The following HSD17B12 variants were observed in gnomAD, a reference collection of about 807,000 sequenced individuals.
HSD17B12 encodes the protein very-long-chain 3-oxoacyl-CoA reductase.
In HSD17B12, 32 loss-of-function variants were observed where a neutral mutation model predicts 39.3. That is an observed-to-expected ratio of 0.81 (90% CI 0.61 to 1.09). HSD17B12 has a LOEUF of 1.09. Among genes scored for constraint, HSD17B12 ranks in the 50% least tolerant of loss-of-function variants. The pLI is 0.00. For missense variants in HSD17B12, 342 were observed against 382.9 expected, an observed-to-expected ratio of 0.89 and a Z score of 0.89; for synonymous variants, 150 against 146.7, an observed-to-expected ratio of 1.02 and a Z score of -0.16.
chr11:43,623,480 T>C, the HSD17B12 span, among the ~76,000 whole-genome samples: 1 of 152,060 alleles, frequency 6.6e-6, no homozygotes. Flanking sequence ...TCAGCAGTTT[T>C]TAAAAAGACT....
At position 43,784,673 on chromosome 11, in the gene HSD17B12, C is replaced by T. The variant is rs530152758; in HGVS notation, c.284-13647C>T. Among the ~76,000 whole-genome samples, 39 of 152,180 alleles carry T rather than the reference C, an allele frequency of 2.6e-4. 1 individual carries two copies. In the South Asian group the frequency reaches 3.3e-3, roughly 13 times the overall value. On this transcript the variant is annotated intron_variant, in intron 3 of 10. Transcript: ENST00000278353. ...ATCATTTGAAGGAGCAAGGGTAATA[C>T]GCAGGGGAGCAGCAAGCAAGTTCTT...
At chr11:43,826,081 C>CTTTTTTTTTTTTT (rs71481435) in intron 6 of HSD17B12, among the ~76,000 whole-genome samples, 2 of 75,274 alleles carry the variant, frequency 2.7e-5, no homozygotes, top group African/African-American at 8.7e-5. Context: ...CTTTTTTTTT[C>CTTTTTTTTTTTTT]TTTTTTTTTT....
the HSD17B12 span, among the ~76,000 whole-genome samples, chr11:43,617,572 C>A: frequency 1.3e-4 from 20 of 152,222 alleles, no homozygotes; most frequent in East Asian, 3.9e-3. Context: ...TCTCTTTGGC[C>A]ACCACACAGT....
At chr11:43,774,371 G>T (rs1054007686) in intron 3 of HSD17B12, among the ~76,000 whole-genome samples, 1 of 151,956 alleles carries the variant, frequency 6.6e-6, no homozygotes, top group Non-Finnish European at 1.5e-5. Context: ...ATGCCATCAC[G>T]CCCAGCTAAT....
intron 9 of HSD17B12, chr11:43,854,444 T>G (rs537106619): frequency 3.0e-5 from 11 of 365,670 alleles, no homozygotes; most frequent in African/African-American, 2.3e-4. Context: ...GCTTTCCTTT[T>G]TAAAGGTTCA....
Position 43,856,422 on chromosome 11 carries a change from G to C in HSD17B12, c.*1174G>C, listed in dbSNP as rs1189640029. On this transcript the variant is annotated 3_prime_UTR_variant, in exon 11 of 11. Coordinates refer to ENST00000278353, the MANE Select transcript of HSD17B12 (RefSeq NM_016142.3). The stretch of plus-strand genomic sequence containing the variant: ...TTTGTATTAAAAGAAAAAAAAATGG[G>C]GCCTTAGCTTCTGGCTTTTAATTTT... 6.6e-6 allele frequency: 1 copy of C among 152,000 alleles called. No individual in the cohort carries two copies. Among genetic ancestry groups the C allele is most frequent in the Admixed American group, 6.6e-5 (1 of 15,260 alleles). 9.4% of individuals were successfully genotyped at this position (152,000 alleles called of 1,614,324 possible).
At chr11:43,707,606 C>A (rs542174795) in intron 1 of HSD17B12, among the ~76,000 whole-genome samples, 91 of 152,322 alleles carry the variant, frequency 6.0e-4, no homozygotes, top group African/African-American at 2.1e-3. Context: ...ATGGAATTCC[C>A]TCTTCTATTA....
At chr11:43,715,462 C>T (rs948919878) in intron 1 of HSD17B12, among the ~76,000 whole-genome samples, 1 of 152,080 alleles carries the variant, frequency 6.6e-6, no homozygotes, top group Non-Finnish European at 1.5e-5. Flanking sequence ...GCCTTGCATC[C>T]CAGGGATGAA....
At chr11:43,593,868 T>C in the HSD17B12 span, among the ~76,000 whole-genome samples, 1 of 152,094 alleles carries the variant, frequency 6.6e-6, no homozygotes, top group Non-Finnish European at 1.5e-5. Flanking sequence ...GTTTAAAACA[T>C]ATAGTATAAA....
intron 3 of HSD17B12, among the ~76,000 whole-genome samples, chr11:43,774,369 A>G (rs1950678578): frequency 6.6e-6 from 1 of 152,040 alleles, no homozygotes; most frequent in Non-Finnish European, 1.5e-5. Context: ...ACATGCCATC[A>G]CGCCCAGCTA....
chr11:43,665,424 G>A, the HSD17B12 span, among the ~76,000 whole-genome samples: 2 of 152,070 alleles, frequency 1.3e-5, no homozygotes, highest in East Asian at 3.8e-4. Context: ...CCACTATGTT[G>A]CCCATACTGA....
At chr11:43,739,852 T>C (rs1261984247) in intron 1 of HSD17B12, among the ~76,000 whole-genome samples, 2 of 151,928 alleles carry the variant, frequency 1.3e-5, no homozygotes, top group African/African-American at 2.4e-5. Flanking sequence ...AGGAGGAAAG[T>C]GGTAGGAGTA....
At chr11:43,841,634 T>G (rs1246649697) in intron 9 of HSD17B12, among the ~76,000 whole-genome samples, 3 of 152,210 alleles carry the variant, frequency 2.0e-5, no homozygotes, top group African/African-American at 4.8e-5. Flanking sequence ...ATAGGAGTTT[T>G]GATGGTTGGC....
intron 1 of HSD17B12, among the ~76,000 whole-genome samples, chr11:43,706,689 G>GTGTGTGTGTGT (rs1554961260): frequency 1.5e-5 from 2 of 137,820 alleles, no homozygotes; most frequent in African/African-American, 2.8e-5. Context: ...TGAATGAAGG[G>GTGTGTGTGTGT]GTGTGTGTGT....
the HSD17B12 span, among the ~76,000 whole-genome samples, chr11:43,591,597 T>A: frequency 6.6e-6 from 1 of 152,158 alleles, no homozygotes; most frequent in Non-Finnish European, 1.5e-5. Flanking sequence ...AAAATCTTTT[T>A]AAAAGAAGGA....
chr11:43,751,559 G>A (rs138420048), intron 2 of HSD17B12, among the ~76,000 whole-genome samples: 1 of 152,112 alleles, frequency 6.6e-6, no homozygotes, highest in African/African-American at 2.4e-5. Flanking sequence ...GAACAGTGGG[G>A]TGATTCTAAT....
At chr11:43,577,690 C>T in the HSD17B12 span, among the ~76,000 whole-genome samples, 1 of 151,750 alleles carries the variant, frequency 6.6e-6, no homozygotes, top group Non-Finnish European at 1.5e-5. Flanking sequence ...TTATTCCCCC[C>T]TTTTCGCATG....
chr11:43,809,731 A>C (rs1951052675), intron 4 of HSD17B12, among the ~76,000 whole-genome samples: 1 of 152,174 alleles, frequency 6.6e-6, no homozygotes, highest in Non-Finnish European at 1.5e-5. Context: ...GAGGCAGGAG[A>C]ATCGCTTGAA....
At chr11:43,692,283 C>T (rs949020520) in intron 1 of HSD17B12, among the ~76,000 whole-genome samples, 2 of 152,046 alleles carry the variant, frequency 1.3e-5, no homozygotes, top group Non-Finnish European at 2.9e-5. Flanking sequence ...TTTTCTCCTT[C>T]TTCTGAAACC....
Sources: gnomAD v4.1 joint callset for allele counts (sites outside exome capture counted in the v4.1 genomes callset) on GRCh38, gnomAD v4.1.1 for gene constraint, MANE v1.5 for transcripts, NCBI Gene and HGNC (gene_info 2026-07-23, HGNC 2026-07-21) for gene names.